The following APBB2 variants were observed in gnomAD, a reference collection of about 807,000 sequenced individuals.
APBB2 encodes the protein amyloid beta precursor protein binding family B member 2, also known as Fe65-like 1.
In APBB2, 38 loss-of-function variants were observed where a neutral mutation model predicts 82.5. The observed-to-expected ratio is 0.46, with a 90% CI of 0.36 to 0.60. The LOEUF (loss-of-function observed/expected upper bound fraction) is 0.60. APBB2 is among the 20% of genes least tolerant of loss of function. The pLI, the probability that APBB2 is intolerant of heterozygous loss-of-function variation, is 0.00. For missense variants in APBB2, 772 were observed against 972.3 expected (o/e 0.79, Z 2.74); for synonymous variants, 341 against 368.2 (o/e 0.93, Z 0.85).
chr4:41,165,157 TAG>T (rs1169727797), intron 1 of APBB2, among the ~76,000 whole-genome samples: 1 of 152,148 alleles, frequency 6.6e-6, no homozygotes, highest in Non-Finnish European at 1.5e-5. Context: ...GAGAGACAGT[TAG>T]AATCCAAAGA....
chr4:40,877,551 G>A (rs1246252785), intron 12 of APBB2, among the ~76,000 whole-genome samples: 1 of 152,160 alleles, frequency 6.6e-6, no homozygotes, highest in Non-Finnish European at 1.5e-5. Flanking sequence ...TCACAGATTT[G>A]GTAATCAAAG....
chr4:40,829,301 A>C (rs896056944), intron 13 of APBB2, among the ~76,000 whole-genome samples: 3 of 152,164 alleles, frequency 2.0e-5, no homozygotes, highest in African/African-American at 7.2e-5. Flanking sequence ...ATCCAACCAG[A>C]GAGTGCCCAG....
chr4:40,987,968 T>C (rs1800846595), intron 6 of APBB2, among the ~76,000 whole-genome samples: 1 of 152,224 alleles, frequency 6.6e-6, no homozygotes, highest in Non-Finnish European at 1.5e-5. Context: ...CAAACATTAG[T>C]GTTCACCAGA....
intron 12 of APBB2, among the ~76,000 whole-genome samples, chr4:40,839,907 C>T (rs574436853): frequency 7.2e-5 from 11 of 152,260 alleles, no homozygotes; most frequent in African/African-American, 2.2e-4. Context: ...TCAGGTGATC[C>T]GCCCACCTCG....
intron 6 of APBB2, among the ~76,000 whole-genome samples, chr4:40,963,617 A>T: frequency 6.6e-6 from 1 of 152,248 alleles, no homozygotes. Context: ...TGCTCATCAC[A>T]CATAAATGAT....
chr4:40,857,977 C>G (rs1761820013), intron 12 of APBB2, among the ~76,000 whole-genome samples: 1 of 152,134 alleles, frequency 6.6e-6, no homozygotes, highest in African/African-American at 2.4e-5. Context: ...GATCATCTGC[C>G]AATTTACACA....
At chr4:41,029,779 C>T (rs566571876) in intron 5 of APBB2, among the ~76,000 whole-genome samples, 1 of 152,194 alleles carries the variant, frequency 6.6e-6, no homozygotes, top group Non-Finnish European at 1.5e-5. Flanking sequence ...ATTACACAAA[C>T]TCACAATGGC....
chr4:41,094,253 T>C (rs532427166), intron 3 of APBB2, among the ~76,000 whole-genome samples: 10 of 152,358 alleles, frequency 6.6e-5, no homozygotes, highest in South Asian at 2.1e-4. Flanking sequence ...ATTTATGACA[T>C]TGGAGTTTTA....
intron 10 of APBB2, among the ~76,000 whole-genome samples, chr4:40,931,941 G>A (rs1371701174): frequency 1.3e-5 from 2 of 152,152 alleles, no homozygotes; most frequent in South Asian, 2.1e-4. Flanking sequence ...GTAAGACAAA[G>A]CTGAGCTTCC....
At chr4:40,880,184 AT>A (rs1578160396) in intron 12 of APBB2, 1 of 985,390 alleles carries the variant, frequency 1.0e-6, no homozygotes, top group East Asian at 1.1e-4. Flanking sequence ...GCACAATTAC[AT>A]TGCAAATGGT....
intron 2 of APBB2, among the ~76,000 whole-genome samples, chr4:41,105,842 C>A (rs1370705669): frequency 6.7e-6 from 1 of 149,934 alleles, no homozygotes; most frequent in Non-Finnish European, 1.5e-5. Flanking sequence ...GCCCAGATAG[C>A]GCCACTGCAC....
chr4:40,950,697 G>A lies in APBB2; in HGVS notation c.836-5624C>T, dbSNP rs909398109. 1.3e-5 allele frequency among the ~76,000 whole-genome samples: 2 copies of A among 152,018 alleles called. 1 individual carries two copies. On this transcript the variant is annotated intron_variant, in intron 6 of 17. Coordinates refer to ENST00000508593, the MANE Select transcript of APBB2 (RefSeq NM_004307.2). ...CCCGTCTCTATAAATACACAAATTAGCCGAGTGTGGTTGCATGCCCCTGTA... is the reference window on the plus strand; with the variant it reads ...CCCGTCTCTATAAATACACAAATTAACCGAGTGTGGTTGCATGCCCCTGTA...
At position 40,940,774 on chromosome 4, in the gene APBB2, C is replaced by T. The variant is rs554181975; in HGVS notation, c.1044+4091G>A. On this transcript the variant is annotated intron_variant, in intron 7 of 17. Coordinates refer to ENST00000508593, the MANE Select transcript of APBB2 (RefSeq NM_004307.2). Reference sequence around the variant, plus strand: ...TTTCTTCTGTAGGAAGACCAAAACACCTTCATTTGAAAAGATGGGAAGACT... The same window carrying T: ...TTTCTTCTGTAGGAAGACCAAAACATCTTCATTTGAAAAGATGGGAAGACT... Among the ~76,000 whole-genome samples, 460 of 152,280 alleles carry T rather than the reference C, an allele frequency of 3.0e-3. 3 individuals are homozygous for T. The highest frequency in any genetic ancestry group is 0.011 in the African/African-American group (441 of 41,550).
rs1282822857 is a variant in APBB2 at position 40,853,126 on chromosome 4, G to A, written c.1530-22549C>T. 2.6e-5 allele frequency among the ~76,000 whole-genome samples: 4 copies of A among 152,186 alleles called. No individual in the cohort carries two copies. In the South Asian group the frequency reaches 8.3e-4, roughly 32 times the overall value. On this transcript the variant is annotated intron_variant, in intron 12 of 17. Coordinates refer to ENST00000508593, the MANE Select transcript of APBB2 (RefSeq NM_004307.2). ...CTGCATCTTCTACAGTCAACTTGGCGAGTTCAACCTCCACATTTCCCCCAC... is the reference window on the plus strand; with the variant it reads ...CTGCATCTTCTACAGTCAACTTGGCAAGTTCAACCTCCACATTTCCCCCAC...
intron 1 of APBB2, among the ~76,000 whole-genome samples, chr4:41,144,762 C>T (rs1213232827): frequency 4.6e-5 from 7 of 152,188 alleles, no homozygotes; most frequent in African/African-American, 1.7e-4. Context: ...ATAGTTGTTT[C>T]CCTCCCTCAC....
rs1765668667 is a variant in APBB2 at position 40,872,128 on chromosome 4, TCA to T, written c.1529+18234_1529+18235del. 2.0e-5 allele frequency among the ~76,000 whole-genome samples: 3 copies of T among 152,378 alleles called. 1 individual carries two copies. The East Asian group carries it at 5.8e-4, about 29-fold the overall frequency. ...TAAGCATCATTTCCAGCAGAAATGT[TCA>T]GTCAGCGCATCTTTTCCTTCTGCCA... is the stretch of plus-strand genomic sequence containing the variant. On this transcript the variant is annotated intron_variant, in intron 12 of 17. Transcript: ENST00000508593.
Position 40,839,772 on chromosome 4 carries a change from C to T in APBB2, c.1530-9195G>A, listed in dbSNP as rs185905779. On this transcript the variant is annotated intron_variant, in intron 12 of 17. Transcript: ENST00000508593. ...CTCTGCCTCCCAGGTTCAAGAAATT[C>T]TCCTGCCTCAGCCTCCCGAGTAGCT... 3.0e-4 allele frequency among the ~76,000 whole-genome samples: 45 copies of T among 151,952 alleles called. No individual in the cohort carries two copies. The East Asian group carries it at 8.1e-3, about 27-fold the overall frequency.
chr4:41,085,357 T>A (rs2153942300), intron 3 of APBB2, among the ~76,000 whole-genome samples: 1 of 151,418 alleles, frequency 6.6e-6, no homozygotes, highest in South Asian at 2.1e-4. Context: ...GGGTATAGGG[T>A]ATAGAGAGAT....
intron 3 of APBB2, among the ~76,000 whole-genome samples, chr4:41,079,769 G>T (rs973097178): frequency 1.3e-5 from 2 of 152,002 alleles, no homozygotes; most frequent in Non-Finnish European, 2.9e-5. Context: ...GGATGGTCTC[G>T]ATCTCTTGAC....
Sources: allele counts gnomAD v4.1 joint callset (sites outside exome capture counted in the v4.1 genomes callset), GRCh38; gene constraint gnomAD v4.1.1; transcripts MANE v1.5; gene names NCBI Gene and HGNC (gene_info 2026-07-23, HGNC 2026-07-21).